The following IRAG2 variants were observed in gnomAD, a reference collection of about 807,000 sequenced individuals.
IRAG2 encodes inositol 1,4,5-triphosphate receptor associated 2.
A neutral mutation model predicts 69.9 loss-of-function variants in IRAG2; 45 were observed. The ratio of observed to expected loss-of-function variants is 0.64; its 90% confidence interval spans 0.51 to 0.83. The LOEUF is 0.83. IRAG2 is among the 40% of genes least tolerant of loss of function. The probability of loss-of-function intolerance (pLI) is 0.00; values close to 1 mark genes in which losing one functional copy is unlikely to be tolerated. For missense variants in IRAG2, 520 were observed against 587.0 expected (o/e 0.89, Z 1.18); for synonymous variants, 193 against 202.4 (o/e 0.95, Z 0.40).
chr12:25,075,526 G>A (rs988199974), intron 6 of IRAG2, among the ~76,000 whole-genome samples: 226 of 123,944 alleles, frequency 1.8e-3, no homozygotes, highest in African/African-American at 7.6e-3. Context: ...GTATGCGTGT[G>A]TGTGTGTGTG....
At chr12:25,024,054 T>C (rs11047766) in intron 8 of IRAG2, 131,774 of 424,060 alleles carry the variant, frequency 0.31, 23,441 homozygotes, top group Admixed American at 0.46. Context: ...ACTTGTCAAA[T>C]TACAAGTGAG....
chr12:25,069,248 T>G (rs1946173370), intron 5 of IRAG2, 102 bp from the exon 6 acceptor site: 1 of 529,950 alleles, frequency 1.9e-6, no homozygotes, highest in Non-Finnish European at 3.4e-6. Flanking sequence ...TTGATAAAAT[T>G]AGGACTGGGC....
At chr12:25,106,009 T>TTGA (rs1347915477) in intron 20 of IRAG2, among the ~76,000 whole-genome samples, 2 of 152,168 alleles carry the variant, frequency 1.3e-5, no homozygotes, top group African/African-American at 4.8e-5. Context: ...ATAATATGAT[T>TTGA]TGATTTAAAA....
intron 1 of IRAG2, among the ~76,000 whole-genome samples, chr12:25,058,877 T>C (rs748627417): frequency 2.1e-4 from 32 of 152,184 alleles, no homozygotes; most frequent in Non-Finnish European, 3.2e-4. Context: ...ACTCCAAACA[T>C]GTAAAGCAGA....
At chr12:25,093,884 C>CA (rs1364181968) in intron 14 of IRAG2, 1 of 152,922 alleles carries the variant, frequency 6.5e-6, no homozygotes, top group Non-Finnish European at 1.5e-5. Flanking sequence ...AGGCTGCACT[C>CA]AATGTGGCAG....
intron 6 of IRAG2, among the ~76,000 whole-genome samples, chr12:25,073,795 C>G (rs1373400338): frequency 6.6e-6 from 1 of 152,156 alleles, no homozygotes; most frequent in Non-Finnish European, 1.5e-5. Flanking sequence ...TTTGGAGATT[C>G]ATTCTGAAAT....
At chr12:25,107,139 TA>T in intron 21 of IRAG2, 89 bp downstream of exon 21, 1 of 564,414 alleles carries the variant, frequency 1.8e-6, no homozygotes, top group Non-Finnish European at 3.0e-6. Flanking sequence ...ATCAAATTAC[TA>T]AAAGACATGC....
At chr12:25,065,623 G>A (rs1945930196) in intron 4 of IRAG2, among the ~76,000 whole-genome samples, 1 of 152,196 alleles carries the variant, frequency 6.6e-6, no homozygotes, top group Non-Finnish European at 1.5e-5. Context: ...CTTTACTGTT[G>A]CATCACACAA....
intron 5 of IRAG2, 93 bp from the exon 6 acceptor site, chr12:25,069,257 G>A: frequency 1.7e-6 from 1 of 605,794 alleles, no homozygotes; most frequent in South Asian, 2.2e-5. Flanking sequence ...TTAGGACTGG[G>A]CGTAGGGGAG....
In IRAG2 at chr12:25,071,871, G is replaced by A. The variant is rs911571157; in HGVS notation, c.24+2440G>A. On this transcript the variant is annotated intron_variant, in intron 6 of 21. Transcript: ENST00000556887. ...TCCATATTGACTCTTATTAGGATAT[G>A]TGACTGCGTGGTTTTGTCTGTGCTT... Among the ~76,000 whole-genome samples the A allele has an allele frequency of 6.0e-5, 9 of 150,590 alleles. No individual in the cohort carries two copies. In the South Asian group the frequency reaches 1.9e-3, roughly 31 times the overall value.
chr12:25,040,649 G>C (rs1223645421), intron 16 of IRAG2, among the ~76,000 whole-genome samples: 1 of 152,224 alleles, frequency 6.6e-6, no homozygotes, highest in Non-Finnish European at 1.5e-5. Flanking sequence ...TACTGAGGAA[G>C]AGAAGGTTCC....
At chr12:25,091,542 G>A (rs1948067327) in intron 14 of IRAG2, among the ~76,000 whole-genome samples, 1 of 152,184 alleles carries the variant, frequency 6.6e-6, no homozygotes, top group Non-Finnish European at 1.5e-5. Flanking sequence ...TGTGAATAGT[G>A]CTGTTAGAAA....
chr12:25,098,247 T>C (rs537055931), intron 15 of IRAG2, among the ~76,000 whole-genome samples: 1 of 152,212 alleles, frequency 6.6e-6, no homozygotes, highest in Admixed American at 6.5e-5. Context: ...GAATTCATTA[T>C]CACAAACCTC....
rs181038425 is a variant in IRAG2 at position 25,107,826 on chromosome 12, A to G, written c.1266A>G (p.Thr422=). The G allele has an allele frequency of 7.3e-4, 1,183 of 1,613,482 alleles. 11 individuals carry two copies. In the Admixed American group the frequency reaches 0.018, roughly 25 times the overall value. Residue 422 remains threonine, a synonymous_variant, in exon 22 of 22, where the codon ACA becomes ACG. Transcript: ENST00000556887. ...SKWDVSSVYD[T]IASWATNLKS... ...TGTGTTTTCCTTATAGTTATGACAC[A>G]ATAGCTTCCTGGGCAACAAATCTCA... is the stretch of plus-strand genomic sequence containing the variant.
exon 5 of IRAG2, chr12:25,015,391 T>C: frequency 8.1e-7 from 1 of 1,231,998 alleles, no homozygotes; most frequent in East Asian, 3.2e-5. Context: ...ATTGGGGAGC[T>C]TCGAGGCTTT....
intron 6 of IRAG2, chr12:25,076,742 G>A: frequency 3.0e-6 from 1 of 338,028 alleles, no homozygotes; most frequent in Non-Finnish European, 4.2e-6. Flanking sequence ...GTGTTTATAT[G>A]TGTTAGGATA....
At chr12:25,004,440 T>G in exon 1 of IRAG2, 1 of 1,232,058 alleles carries the variant, frequency 8.1e-7, no homozygotes, top group Non-Finnish European at 1.0e-6. Context: ...CAATTTCAAA[T>G]CCAATTCAGC....
intron 2 of IRAG2, among the ~76,000 whole-genome samples, chr12:25,007,617 G>A (rs982844571): frequency 6.6e-6 from 1 of 152,156 alleles, no homozygotes; most frequent in African/African-American, 2.4e-5. Context: ...TGCCACCCGG[G>A]TTCAAGTGAT....
intron 11 of IRAG2, 84 bp downstream of exon 11, chr12:25,088,241 A>G (rs927068752): frequency 3.7e-6 from 4 of 1,085,204 alleles, no homozygotes; most frequent in Non-Finnish European, 5.6e-6. Context: ...GAATAAAGCT[A>G]TGTCACTTAC....
Sources: allele counts gnomAD v4.1 joint callset (sites outside exome capture counted in the v4.1 genomes callset), GRCh38; gene constraint gnomAD v4.1.1; transcripts MANE v1.5; gene names NCBI Gene and HGNC (gene_info 2026-07-23, HGNC 2026-07-21).